The following CUL4A variants were observed in gnomAD, a reference collection of about 807,000 sequenced individuals.
CUL4A encodes cullin 4A.
Under a neutral mutation model 95.5 loss-of-function variants are expected in CUL4A, and 16 were observed. That is an observed-to-expected ratio of 0.17 (90% CI 0.11 to 0.25). The LOEUF is 0.25. Ranked by LOEUF, CUL4A falls within the 10% of genes least tolerant of loss-of-function variation. CUL4A has a pLI of 1.00. For missense variants in CUL4A, 610 were observed against 937.0 expected (o/e 0.65, Z 4.56); for synonymous variants, 380 against 353.1 (o/e 1.08, Z -0.85).
At chr13:113,216,241 T>C (rs763636843) in intron 2 of CUL4A, among the ~76,000 whole-genome samples, 2 of 152,234 alleles carry the variant, frequency 1.3e-5, no homozygotes, top group African/African-American at 2.4e-5. Context: ...TCCATGGCCT[T>C]CCTTGTTCTG....
At chr13:113,256,240 GTCTTC>G (rs1408792484) in intron 18 of CUL4A, among the ~76,000 whole-genome samples, 1 of 152,130 alleles carries the variant, frequency 6.6e-6, no homozygotes, top group Non-Finnish European at 1.5e-5. Context: ...GCTGATCGCA[GTCTTC>G]TCCTGGCCAG....
intron 2 of CUL4A, 84 bp downstream of exon 2, chr13:113,210,172 A>G: frequency 1.1e-6 from 1 of 918,090 alleles, no homozygotes; most frequent in South Asian, 2.0e-5. Context: ...GGTGCCTCGC[A>G]GGCTCTCGCC....
At chr13:113,253,373 A>G (rs2042042749) in intron 16 of CUL4A, among the ~76,000 whole-genome samples, 178 bp downstream of exon 16, 1 of 152,200 alleles carries the variant, frequency 6.6e-6, no homozygotes, top group Non-Finnish European at 1.5e-5. Context: ...AAAATTCTTA[A>G]GAAATCAATC....
At chr13:113,209,934 G>C in intron 1 of CUL4A, 39 bp from the exon 2 acceptor site, 2 of 1,431,726 alleles carry the variant, frequency 1.4e-6, no homozygotes, top group Non-Finnish European at 9.2e-7. Flanking sequence ...GGCGCTTCGC[G>C]GCGCGCCCTG....
At chr13:113,242,599 G>C (rs1036791515) in intron 10 of CUL4A, among the ~76,000 whole-genome samples, 1 of 152,090 alleles carries the variant, frequency 6.6e-6, no homozygotes, top group African/African-American at 2.4e-5. Context: ...AGACCAGCCT[G>C]GGCAACATGA....
intron 19 of CUL4A, among the ~76,000 whole-genome samples, chr13:113,261,579 C>T (rs906784444): frequency 5.3e-5 from 8 of 152,208 alleles, no homozygotes; most frequent in African/African-American, 1.7e-4. Flanking sequence ...GTTCACTGCC[C>T]CTTCCTCCCA....
intron 12 of CUL4A, 62 bp downstream of exon 12, chr13:113,244,576 C>A: frequency 8.4e-7 from 1 of 1,196,304 alleles, no homozygotes; most frequent in Non-Finnish European, 1.2e-6. Context: ...CCCTGCTTTC[C>A]CAGAGGAGGT....
chr13:113,225,533 T>A (rs1595368742), intron 3 of CUL4A, among the ~76,000 whole-genome samples: 3 of 152,360 alleles, frequency 2.0e-5, no homozygotes, highest in African/African-American at 4.8e-5. Context: ...CTGCCCCAGG[T>A]GGAACTCTGT....
chr13:113,211,142 C>G (rs1291885055), intron 2 of CUL4A, among the ~76,000 whole-genome samples: 6 of 152,242 alleles, frequency 3.9e-5, no homozygotes, highest in Non-Finnish European at 8.8e-5. Context: ...TCCCCTGACT[C>G]CTAGCCCTTG....
chr13:113,266,408 T>G lies in CUL4A; in HGVS notation c.*2826T>G, dbSNP rs2042396913. 1.3e-5 allele frequency: 2 copies of G among 152,230 alleles called. No homozygotes were observed. 9.4% of individuals were successfully genotyped at this position (152,230 alleles called of 1,614,324 possible). The stretch of plus-strand genomic sequence containing the variant: ...ACCTATGTGAAAGGTATTATAACAT[T>G]ACTAAGGAACACAGGCCCTGAATAA... On this transcript the variant is annotated 3_prime_UTR_variant, in exon 20 of 20. Transcript: ENST00000375440.
chr13:113,260,460 G>T, intron 18 of CUL4A, 147 bp from the exon 19 acceptor site: 1 of 613,354 alleles, frequency 1.6e-6, no homozygotes, highest in Non-Finnish European at 2.7e-6. Flanking sequence ...TGAGGCAAGA[G>T]AATCGCTTGA....
chr13:113,208,711 C>T, upstream of CUL4A: 4 of 1,522,308 alleles, frequency 2.6e-6, no homozygotes, highest in Non-Finnish European at 3.5e-6. Context: ...GCCCTCGGTC[C>T]GTCTGGGTCC....
Position 113,266,095 on chromosome 13 carries a change from A to G in CUL4A, c.*2513A>G, listed in dbSNP as rs1263883803. 5 of 152,214 alleles carry G rather than the reference A, an allele frequency of 3.3e-5. No homozygotes were observed. Among genetic ancestry groups the G allele is most frequent in the Non-Finnish European group, 4.4e-5 (3 of 68,050 alleles). 9.4% of individuals were successfully genotyped at this position (152,214 alleles called of 1,614,324 possible). A position where few individuals can be genotyped will look rare whatever the true frequency, so the allele number is the denominator to read the frequency against. ...CAGTGGCATGATCATGTTTCACGGC[A>G]GCCTCTACCTTCTGGGCTCAAGCGA... is the stretch of plus-strand genomic sequence containing the variant. On this transcript the variant is annotated 3_prime_UTR_variant, in exon 20 of 20. Transcript: ENST00000375440.
intron 2 of CUL4A, among the ~76,000 whole-genome samples, chr13:113,213,396 T>G (rs2040524812): frequency 6.6e-6 from 1 of 152,192 alleles, no homozygotes; most frequent in African/African-American, 2.4e-5. Context: ...ACTCAGTGCT[T>G]CGAAAACTGT....
At chr13:113,228,402 G>A (rs2041185070) in intron 4 of CUL4A, among the ~76,000 whole-genome samples, 4 of 152,174 alleles carry the variant, frequency 2.6e-5, no homozygotes, top group Admixed American at 2.6e-4. Context: ...TAGATGTCTT[G>A]GCTTTGACTT....
intron 9 of CUL4A, 125 bp from the exon 10 acceptor site, chr13:113,239,308 G>C: frequency 1.3e-6 from 1 of 796,474 alleles, no homozygotes; most frequent in East Asian, 2.5e-5. Flanking sequence ...TAGAGGCAGC[G>C]ATGTGGAGAC....
At chr13:113,215,022 G>A (rs754402665) in intron 2 of CUL4A, among the ~76,000 whole-genome samples, 5 of 146,360 alleles carry the variant, frequency 3.4e-5, no homozygotes, top group East Asian at 2.1e-4. Flanking sequence ...TGGAGGTCTC[G>A]TCCTTTGTGG....
At chr13:113,244,366 T>C (rs2041801932) in intron 11 of CUL4A, 44 bp from the exon 12 acceptor site, 1 of 1,412,538 alleles carries the variant, frequency 7.1e-7, no homozygotes, top group Non-Finnish European at 9.9e-7. Flanking sequence ...GAAGATGCTC[T>C]CTTTTTCTAG....
intron 18 of CUL4A, among the ~76,000 whole-genome samples, chr13:113,257,795 A>G (rs1020740934): frequency 6.6e-6 from 1 of 152,218 alleles, no homozygotes; most frequent in African/African-American, 2.4e-5. Flanking sequence ...ATTTTTCTAG[A>G]AGTTTTTACA....
Sources: allele counts gnomAD v4.1 joint callset (sites outside exome capture counted in the v4.1 genomes callset), GRCh38; gene constraint gnomAD v4.1.1; transcripts MANE v1.5; gene names NCBI Gene and HGNC (gene_info 2026-07-23, HGNC 2026-07-21).